NREP: variants seen among roughly 807,000 people sequenced by gnomAD.
NREP encodes neuronal regeneration related protein.
Under a neutral mutation model 8.6 loss-of-function variants are expected in NREP, and 5 were observed. The ratio of observed to expected loss-of-function variants is 0.58; its 90% CI spans 0.30 to 1.22. The LOEUF is 1.22. Among genes scored for constraint, NREP ranks in the 50% most tolerant of loss-of-function variants. The pLI is 0.07. For missense variants in NREP, 86 were observed against 82.5 expected, an observed-to-expected ratio of 1.04 and a Z score of -0.17; for synonymous variants, 27 against 28.0, an observed-to-expected ratio of 0.96 and a Z score of 0.11.
intron 2 of NREP, among the ~76,000 whole-genome samples, chr5:111,802,289 G>A (rs1752031633): frequency 6.6e-6 from 1 of 151,968 alleles, no homozygotes; most frequent in South Asian, 2.1e-4. Context: ...TTAAGAAGGT[G>A]TCAAATACAC....
intron 2 of NREP, among the ~76,000 whole-genome samples, chr5:111,850,135 G>T (rs564363004): frequency 1.5e-4 from 23 of 152,190 alleles, no homozygotes; most frequent in African/African-American, 5.3e-4. Context: ...GACAAGTTCC[G>T]TGTCTACCTC....
intron 2 of NREP, among the ~76,000 whole-genome samples, chr5:111,886,227 A>G (rs1754243661): frequency 6.6e-6 from 1 of 152,240 alleles, no homozygotes; most frequent in Non-Finnish European, 1.5e-5. Flanking sequence ...AAAAATGCTC[A>G]CCATCACTGG....
intron 2 of NREP, among the ~76,000 whole-genome samples, chr5:111,837,262 G>A (rs536185973): frequency 2.8e-4 from 42 of 151,964 alleles, no homozygotes; most frequent in Admixed American, 4.6e-4. Context: ...AGGTAGGGAA[G>A]ATACAAGGTA....
chr5:111,743,541 C>CT (rs1749814437), intron 2 of NREP, among the ~76,000 whole-genome samples: 1 of 152,076 alleles, frequency 6.6e-6, no homozygotes, highest in South Asian at 2.1e-4. Flanking sequence ...GTTTCTCCGA[C>CT]TTTTAAGATA....
chr5:111,932,129 A>G (rs1019761723), intron 2 of NREP, among the ~76,000 whole-genome samples: 17 of 151,704 alleles, frequency 1.1e-4, no homozygotes, highest in East Asian at 3.9e-4. Context: ...AAAAAAAAAA[A>G]AAAAGAAAAG....
chr5:111,830,284 A>C (rs1284715301), intron 2 of NREP, among the ~76,000 whole-genome samples: 1 of 152,202 alleles, frequency 6.6e-6, no homozygotes, highest in Non-Finnish European at 1.5e-5. Flanking sequence ...AGCCAAGTGA[A>C]GTTTAAAAGA....
intron 2 of NREP, among the ~76,000 whole-genome samples, chr5:111,939,560 G>A (rs1221284805): frequency 3.3e-5 from 5 of 151,864 alleles, no homozygotes; most frequent in African/African-American, 1.2e-4. Context: ...AGCACAGTGT[G>A]GCAAAAAAAA....
At chr5:111,887,549 C>T (rs1474399739) in intron 2 of NREP, among the ~76,000 whole-genome samples, 1 of 152,138 alleles carries the variant, frequency 6.6e-6, no homozygotes, top group Non-Finnish European at 1.5e-5. Flanking sequence ...GGACAGATGC[C>T]TTGCACAATG....
intron 2 of NREP, among the ~76,000 whole-genome samples, chr5:111,841,178 A>T (rs754565775): frequency 6.6e-6 from 1 of 152,142 alleles, no homozygotes; most frequent in Non-Finnish European, 1.5e-5. Flanking sequence ...CTGGAGCACA[A>T]TTCTGCTCAG....
chr5:111,789,239 T>C (rs969455836), intron 2 of NREP, among the ~76,000 whole-genome samples: 3 of 152,202 alleles, frequency 2.0e-5, no homozygotes, highest in Non-Finnish European at 4.4e-5. Flanking sequence ...ATCATACACA[T>C]ACCCAATTGC....
At chr5:111,930,973 G>T (rs1755520994) in intron 2 of NREP, among the ~76,000 whole-genome samples, 1 of 152,094 alleles carries the variant, frequency 6.6e-6, no homozygotes, top group Non-Finnish European at 1.5e-5. Flanking sequence ...CCATCATTGT[G>T]CATCTATGTG....
intron 2 of NREP, among the ~76,000 whole-genome samples, chr5:111,972,232 A>G (rs1713485469): frequency 6.6e-6 from 1 of 152,210 alleles, no homozygotes; most frequent in Admixed American, 6.5e-5. Context: ...AAGGAAAAAA[A>G]TAACAAGTAT....
chr5:111,958,619 A>T (rs1392046682), intron 2 of NREP, among the ~76,000 whole-genome samples: 2 of 151,984 alleles, frequency 1.3e-5, no homozygotes, highest in Non-Finnish European at 2.9e-5. Flanking sequence ...ATTTTTAGCT[A>T]AAATATGCAC....
intron 2 of NREP, among the ~76,000 whole-genome samples, chr5:111,927,784 T>G (rs490983): frequency 3.3e-5 from 5 of 151,870 alleles, no homozygotes; most frequent in Non-Finnish European, 7.4e-5. Flanking sequence ...TCTTTCCTTT[T>G]AAATATTTAA....
At chr5:111,876,302 G>C (rs1406686208) in intron 2 of NREP, among the ~76,000 whole-genome samples, 1 of 152,102 alleles carries the variant, frequency 6.6e-6, no homozygotes, top group Non-Finnish European at 1.5e-5. Flanking sequence ...GCAAGTTCTG[G>C]TGAGGACTCT....
intron 2 of NREP, among the ~76,000 whole-genome samples, chr5:111,777,528 T>G (rs141032689): frequency 3.7e-4 from 56 of 152,200 alleles, no homozygotes; most frequent in African/African-American, 1.3e-3. Context: ...AAATGATACA[T>G]TGGGAATGTT....
intron 2 of NREP, among the ~76,000 whole-genome samples, chr5:111,974,860 C>T (rs1425222855): frequency 6.6e-6 from 1 of 152,192 alleles, no homozygotes; most frequent in African/African-American, 2.4e-5. Context: ...ACTGCAGAGA[C>T]AGAAAGCTAA....
chr5:111,746,805 ATGATT>A (rs1750035614), intron 2 of NREP, among the ~76,000 whole-genome samples: 1 of 152,168 alleles, frequency 6.6e-6, no homozygotes, highest in African/African-American at 2.4e-5. Context: ...GCTAGTTCAT[ATGATT>A]TATCTATTCA....
At chr5:111,824,297 A>T (rs1208711314) in intron 2 of NREP, among the ~76,000 whole-genome samples, 1 of 152,240 alleles carries the variant, frequency 6.6e-6, no homozygotes, top group Non-Finnish European at 1.5e-5. Context: ...TGAACCAGGG[A>T]GGCGGAGCTT....
Sources: gnomAD v4.1 joint callset for allele counts (sites outside exome capture counted in the v4.1 genomes callset) on GRCh38, gnomAD v4.1.1 for gene constraint, MANE v1.5 for transcripts, NCBI Gene and HGNC (gene_info 2026-07-23, HGNC 2026-07-21) for gene names.